The following PCSK5 variants were observed in gnomAD, a reference collection of about 807,000 sequenced individuals.
PCSK5 encodes the protein prohormone convertase 5.
Under a neutral mutation model 233.2 loss-of-function variants are expected in PCSK5, and 129 were observed. The observed-to-expected ratio is 0.55, with a 90% CI of 0.48 to 0.64. The LOEUF is 0.64. Ranked by LOEUF, PCSK5 falls within the 30% of genes least tolerant of loss-of-function variation. The pLI is 0.00. For missense variants in PCSK5, 2,076 were observed against 2,430.1 expected, an observed-to-expected ratio of 0.85 and a Z score of 3.06; for synonymous variants, 825 against 879.2, an observed-to-expected ratio of 0.94 and a Z score of 1.09.
intron 20 of PCSK5, among the ~76,000 whole-genome samples, chr9:76,204,254 CTG>C (rs1474811323): frequency 6.6e-6 from 1 of 152,122 alleles, no homozygotes; most frequent in African/African-American, 2.4e-5. Context: ...CAGAAGCACT[CTG>C]TGAATCTTCT....
chr9:76,046,178 T>TTTG (rs1829378470), intron 5 of PCSK5, among the ~76,000 whole-genome samples: 1 of 120,368 alleles, frequency 8.3e-6, no homozygotes, highest in Non-Finnish European at 1.7e-5. Flanking sequence ...TTTTTTTTTT[T>TTTG]TTTTTTTTTT....
At chr9:76,013,177 AAAGTCTGCTGC>A (rs1827804315) in intron 3 of PCSK5, among the ~76,000 whole-genome samples, 1 of 152,210 alleles carries the variant, frequency 6.6e-6, no homozygotes, top group South Asian at 2.1e-4. Flanking sequence ...TTTGATACCA[AAAGTCTGCTGC>A]TCTCTGTTGA....
chr9:76,349,847 A>C (rs950720912), intron 35 of PCSK5, among the ~76,000 whole-genome samples: 1 of 152,238 alleles, frequency 6.6e-6, no homozygotes, highest in Non-Finnish European at 1.5e-5. Context: ...ACCTGCATAG[A>C]ATAAATGTTT....
chr9:75,941,877 G>C (rs1824319396), intron 2 of PCSK5, among the ~76,000 whole-genome samples: 1 of 152,358 alleles, frequency 6.6e-6, no homozygotes, highest in Middle Eastern at 3.4e-3. Context: ...CAGAGGGTCA[G>C]ATTGTACGCT....
intron 2 of PCSK5, among the ~76,000 whole-genome samples, chr9:75,942,395 C>A (rs1272118493): frequency 6.6e-6 from 1 of 152,212 alleles, no homozygotes; most frequent in Admixed American, 6.5e-5. Flanking sequence ...TGACAGATCT[C>A]ATCACTTTGA....
At position 76,240,683 on chromosome 9, in the gene PCSK5, G is replaced by A. The variant is rs1482535666; in HGVS notation, c.3141G>A (p.Leu1047=). 2 of 1,576,040 alleles carry A rather than the reference G, an allele frequency of 1.3e-6. No homozygotes were observed. The highest frequency in any genetic ancestry group is 1.3e-5 in the African/African-American group (1 of 74,668). ...PCEEGCLGCS[L]DDPGTCTSCA... is the part of the protein sequence containing the mutation. Reference sequence around the variant, plus strand: ...AAGAAGGATGTCTGGGATGCAGCTTGGGTATGTCCTCTTCCTTTGTCACCT... The same window carrying A: ...AAGAAGGATGTCTGGGATGCAGCTTAGGTATGTCCTCTTCCTTTGTCACCT... The change falls in exon 24 of 38, where the codon TTG becomes TTA. Residue 1047 remains leucine (L), a splice_region_variant and synonymous_variant. Coordinates refer to ENST00000674117, the MANE Select transcript of PCSK5 (RefSeq NM_001372043.1).
intron 5 of PCSK5, among the ~76,000 whole-genome samples, chr9:76,058,934 C>A (rs919012898): frequency 2.6e-5 from 4 of 151,972 alleles, no homozygotes; most frequent in Admixed American, 6.6e-5. Flanking sequence ...CACTTGAGCC[C>A]AGGAGTTTGA....
rs1824326168 is a variant in PCSK5 at position 76,190,591 on chromosome 9, A to ACTCTATAGT, written c.2626+845_2626+846insCTCTATAGT. ...CAGCATAAAATTCAATCATGTGAAG[A>ACTCTATAGT]TTCTATAGTTTTTAGCCAATCTCCT... On this transcript the variant is annotated intron_variant, in intron 20 of 37. Transcript: ENST00000674117. Among the ~76,000 whole-genome samples the ACTCTATAGT allele has an allele frequency of 8.1e-5, 5 of 61,360 alleles. No homozygotes were observed. In the South Asian group the frequency reaches 3.5e-3, roughly 43 times the overall value. The allele number at this position is 61,360 out of a possible 152,430, so 40.3% of individuals were successfully genotyped here.
intron 8 of PCSK5, among the ~76,000 whole-genome samples, chr9:76,103,552 A>G (rs1831851093): frequency 6.6e-6 from 1 of 152,194 alleles, no homozygotes; most frequent in Non-Finnish European, 1.5e-5. Context: ...GTGAAATACT[A>G]GGACATAATT....
intron 30 of PCSK5, among the ~76,000 whole-genome samples, chr9:76,316,736 T>C (rs1409737937): frequency 2.7e-5 from 2 of 74,728 alleles, no homozygotes; most frequent in South Asian, 5.6e-4. Flanking sequence ...AGACCTTGTC[T>C]CACCAAAAAA....
At chr9:76,061,206 T>C (rs1320800789) in intron 5 of PCSK5, among the ~76,000 whole-genome samples, 1 of 152,166 alleles carries the variant, frequency 6.6e-6, no homozygotes, top group African/African-American at 2.4e-5. Flanking sequence ...AAAGAGTAAT[T>C]GGAGAATATA....
In PCSK5 at chr9:76,107,155, AT is replaced by A. The variant is rs937915584; in HGVS notation, c.1108-95del. 6.7e-5 allele frequency: 44 copies of A among 658,904 alleles called. No homozygotes were observed. In the African/African-American group the frequency reaches 7.2e-4, roughly 11 times the overall value. The allele number at this position is 658,904 out of a possible 1,614,324, so 40.8% of individuals were successfully genotyped here. ...AAGGAATTTAAAACAAGTATTTAAC[AT>A]ATACCCCCATTCTATTTTTATGAGT... On this transcript the variant is annotated intron_variant, in intron 8 of 37. Coordinates refer to ENST00000674117, the MANE Select transcript of PCSK5 (RefSeq NM_001372043.1).
intron 7 of PCSK5, among the ~76,000 whole-genome samples, chr9:76,080,081 C>G (rs1284181404): frequency 1.3e-5 from 2 of 152,118 alleles, no homozygotes; most frequent in African/African-American, 4.8e-5. Flanking sequence ...CCTCATTTCT[C>G]CTTTTTTTCC....
At chr9:76,192,990 T>TC (rs35965771) in intron 20 of PCSK5, among the ~76,000 whole-genome samples, 2 of 151,810 alleles carry the variant, frequency 1.3e-5, no homozygotes, top group Non-Finnish European at 2.9e-5. Flanking sequence ...AATCTTTTTT[T>TC]TTTTTCACAA....
intron 8 of PCSK5, among the ~76,000 whole-genome samples, chr9:76,106,060 T>G (rs941862174): frequency 3.3e-5 from 5 of 152,236 alleles, no homozygotes; most frequent in Non-Finnish European, 5.9e-5. Flanking sequence ...TAACTAATTT[T>G]CACACTCCTC....
At chr9:75,895,101 T>C (rs1564065919) in intron 1 of PCSK5, among the ~76,000 whole-genome samples, 1 of 152,110 alleles carries the variant, frequency 6.6e-6, no homozygotes, top group Non-Finnish European at 1.5e-5. Context: ...GAATAACACC[T>C]CTGAAGGATA....
chr9:76,247,071 C>T (rs1240396282), intron 24 of PCSK5, among the ~76,000 whole-genome samples: 2 of 152,110 alleles, frequency 1.3e-5, no homozygotes, highest in Non-Finnish European at 2.9e-5. Flanking sequence ...GTGTTCAGCT[C>T]GATTAGGATG....
intron 2 of PCSK5, among the ~76,000 whole-genome samples, chr9:75,981,954 A>G (rs1292635456): frequency 6.6e-6 from 1 of 152,220 alleles, no homozygotes; most frequent in African/African-American, 2.4e-5. Context: ...TTAAAAGGGC[A>G]TGCAGTAGAA....
chr9:76,090,862 G>T (rs1831257317), intron 7 of PCSK5, among the ~76,000 whole-genome samples: 1 of 152,082 alleles, frequency 6.6e-6, no homozygotes, highest in African/African-American at 2.4e-5. Flanking sequence ...TTGTTTTCCT[G>T]CAGCTAAATG....
Sources: gnomAD v4.1 joint callset for allele counts (sites outside exome capture counted in the v4.1 genomes callset) on GRCh38, gnomAD v4.1.1 for gene constraint, MANE v1.5 for transcripts, NCBI Gene and HGNC (gene_info 2026-07-23, HGNC 2026-07-21) for gene names.